SPSB4: variants seen among roughly 807,000 people sequenced by gnomAD.
SPSB4 encodes SPRY domain-containing SOCS box protein 4.
A neutral mutation model predicts 20.9 loss-of-function variants in SPSB4; 21 were observed. The observed-to-expected ratio is 1.01, with a 90% CI of 0.71 to 1.45. The LOEUF is 1.45. SPSB4 is among the 40% of genes most tolerant of loss of function. The pLI, the probability that SPSB4 is intolerant of heterozygous loss-of-function variation, is 0.00. For synonymous variants in SPSB4, 207 were observed against 183.8 expected, an observed-to-expected ratio of 1.13 and a Z score of -1.02; for missense variants, 399 against 399.2, an observed-to-expected ratio of 1.00 and a Z score of 0.00.
At chr3:141,142,803 CTTTTTTTTTTTTT>C (rs57674247) in intron 2 of SPSB4, among the ~76,000 whole-genome samples, 3,167 of 61,852 alleles carry the variant, frequency 0.051, 43 homozygotes, top group Middle Eastern at 0.078. Context: ...CCCTCTTTGT[CTTTTTTTTTTTTT>C]TTTTTTTTTT....
chr3:141,131,965 T>C (rs1326256985), intron 2 of SPSB4, among the ~76,000 whole-genome samples: 2 of 152,234 alleles, frequency 1.3e-5, no homozygotes, highest in Admixed American at 6.5e-5. Context: ...CAGCACTTAA[T>C]ACTATCTTTT....
chr3:141,066,294 A>G lies in SPSB4; in HGVS notation c.190A>G (p.Asn64Asp). Residue 64 changes from asparagine to aspartate, a missense_variant, in exon 2 of 3, where the codon AAC becomes GAC. By Grantham distance (23) the Asn-to-Asp change is conservative. Transcript: ENST00000310546. ...HAWNPEDRSL[N>D]VFVKDDDRLT... is the part of the protein sequence containing the mutation. ...GTGGAACCCCGAGGACCGCTCGCTC[A>G]ACGTCTTCGTCAAGGACGACGACCG... 1.9e-6 allele frequency: 3 copies of G among 1,571,544 alleles called. No individual in the cohort carries two copies. Among genetic ancestry groups the G allele is most frequent in the Non-Finnish European group, 2.6e-6 (3 of 1,160,144 alleles).
At chr3:141,130,095 C>T (rs1939110916) in intron 2 of SPSB4, among the ~76,000 whole-genome samples, 1 of 152,202 alleles carries the variant, frequency 6.6e-6, no homozygotes, top group Non-Finnish European at 1.5e-5. Context: ...TTGGCCATGA[C>T]AGGGCCAGTC....
chr3:141,093,300 A>G (rs1037442778), intron 2 of SPSB4, among the ~76,000 whole-genome samples: 34 of 151,878 alleles, frequency 2.2e-4, no homozygotes, highest in African/African-American at 8.2e-4. Context: ...ATATCTAGTA[A>G]TGCCATACAT....
chr3:141,134,057 T>TTTTTTTTTTTTTTTTTTTTTTC (rs1939186010), intron 2 of SPSB4, among the ~76,000 whole-genome samples: 1 of 64,090 alleles, frequency 1.6e-5, no homozygotes, highest in Non-Finnish European at 2.9e-5. Flanking sequence ...TTCTTTTTTC[T>TTTTTTTTTTTTTTTTTTTTTTC]TTTTTTTTTT....
intron 2 of SPSB4, among the ~76,000 whole-genome samples, chr3:141,129,238 C>A (rs1210286408): frequency 6.6e-6 from 1 of 152,214 alleles, no homozygotes; most frequent in Non-Finnish European, 1.5e-5. Flanking sequence ...CTCTATTCAG[C>A]TTCTCTATTG....
chr3:141,126,893 T>G (rs1411265132), intron 2 of SPSB4, among the ~76,000 whole-genome samples: 15 of 152,162 alleles, frequency 9.9e-5, no homozygotes, highest in Admixed American at 9.8e-4. Flanking sequence ...TACACTAGGG[T>G]GGAGACTGAG....
chr3:141,110,774 T>C (rs1217612779), intron 2 of SPSB4, among the ~76,000 whole-genome samples: 1 of 152,244 alleles, frequency 6.6e-6, no homozygotes, highest in African/African-American at 2.4e-5. Context: ...GCAAGTCTTA[T>C]GGCCACACCT....
chr3:141,068,655 G>T (rs1476463207), intron 2 of SPSB4, among the ~76,000 whole-genome samples: 1 of 152,150 alleles, frequency 6.6e-6, no homozygotes, highest in African/African-American at 2.4e-5. Flanking sequence ...TTTTGCTGCT[G>T]TAAGCTCTTG....
intron 2 of SPSB4, among the ~76,000 whole-genome samples, chr3:141,131,987 A>G (rs966463135): frequency 6.6e-6 from 1 of 152,184 alleles, no homozygotes; most frequent in African/African-American, 2.4e-5. Flanking sequence ...CATTTTAGTC[A>G]TTCTTTTTTT....
intron 2 of SPSB4, among the ~76,000 whole-genome samples, chr3:141,093,206 G>C (rs1192473857): frequency 1.3e-5 from 2 of 152,084 alleles, no homozygotes; most frequent in African/African-American, 2.4e-5. Flanking sequence ...TTTCATAAGA[G>C]AGTCTGTAGA....
rs73868983 is a variant in SPSB4 at position 141,067,728 on chromosome 3, T to C, written c.694+930T>C. ...ACGTGGCTGCCTGTCCTGAGTTGAA[T>C]CCCAGCTGAGGGGCCAGGAGCCAGG... On this transcript the variant is annotated intron_variant, in intron 2 of 2. Transcript: ENST00000310546. Among the ~76,000 whole-genome samples, 379 of 152,288 alleles carry C rather than the reference T, an allele frequency of 2.5e-3. 1 individual carries two copies. Among genetic ancestry groups the C allele is most frequent in the African/African-American group, 8.9e-3 (368 of 41,572 alleles).
intron 2 of SPSB4, among the ~76,000 whole-genome samples, chr3:141,111,542 A>C (rs1305656153): frequency 3.3e-5 from 5 of 151,938 alleles, no homozygotes; most frequent in Non-Finnish European, 1.5e-5. Context: ...AGGCAGGAAG[A>C]GGCCTGGGCT....
At chr3:141,073,476 T>C (rs1242508124) in intron 2 of SPSB4, among the ~76,000 whole-genome samples, 1 of 152,228 alleles carries the variant, frequency 6.6e-6, no homozygotes, top group East Asian at 1.9e-4. Context: ...AGTCCTTACA[T>C]AGTGTGTAGT....
At chr3:141,116,317 G>A (rs932693108) in intron 2 of SPSB4, among the ~76,000 whole-genome samples, 1 of 152,218 alleles carries the variant, frequency 6.6e-6, no homozygotes, top group Non-Finnish European at 1.5e-5. Flanking sequence ...GTTGGAATTA[G>A]GTGGATTGAA....
chr3:141,106,199 C>T (rs572013552), intron 2 of SPSB4, among the ~76,000 whole-genome samples: 2 of 152,310 alleles, frequency 1.3e-5, no homozygotes, highest in South Asian at 4.1e-4. Context: ...TTAACTTGGA[C>T]ATTCCCTCTT....
At chr3:141,125,047 C>T (rs1051699477) in intron 2 of SPSB4, among the ~76,000 whole-genome samples, 3 of 152,094 alleles carry the variant, frequency 2.0e-5, no homozygotes, top group Admixed American at 6.5e-5. Context: ...GAGTTAAGTA[C>T]ATGTTGAATT....
intron 2 of SPSB4, among the ~76,000 whole-genome samples, chr3:141,122,052 T>G (rs369846119): frequency 3.3e-5 from 5 of 152,342 alleles, no homozygotes; most frequent in African/African-American, 1.2e-4. Context: ...CTTTGTGGTT[T>G]TATCTACGTT....
rs531493968 is a variant in SPSB4 at position 141,119,089 on chromosome 3, T to C, written c.695-28053T>C. ...TATAAATTACCTTGGGCAGTATGAC[T>C]GTTTTCACAATATTGACTCTTCCTA... On this transcript the variant is annotated intron_variant, in intron 2 of 2. Coordinates refer to ENST00000310546, the MANE Select transcript of SPSB4 (RefSeq NM_080862.3). Among the ~76,000 whole-genome samples the C allele has an allele frequency of 1.1e-3, 175 of 152,196 alleles. 1 individual carries two copies. The highest frequency in any genetic ancestry group is 4.1e-3 in the African/African-American group (170 of 41,500).
Sources: allele counts gnomAD v4.1 joint callset (sites outside exome capture counted in the v4.1 genomes callset), GRCh38; gene constraint gnomAD v4.1.1; transcripts MANE v1.5; gene names NCBI Gene and HGNC (gene_info 2026-07-23, HGNC 2026-07-21).